Variants in ABCA3 observed in about 807,000 individuals in gnomAD.
ABCA3 encodes the protein phospholipid-transporting ATPase ABCA3.
A neutral mutation model predicts 172.8 loss-of-function variants in ABCA3; 88 were observed. That is an observed-to-expected ratio of 0.51 (90% confidence interval 0.43 to 0.61). The LOEUF is 0.61. ABCA3 is among the 20% of genes least tolerant of loss of function. The probability of loss-of-function intolerance (pLI) is 0.00; values close to 1 mark genes in which losing one functional copy is unlikely to be tolerated. For missense variants in ABCA3, 2,164 were observed against 2,301.0 expected (o/e 0.94, Z 1.22); for synonymous variants, 1,066 against 983.8 (o/e 1.08, Z -1.56).
intron 10 of ABCA3, among the ~76,000 whole-genome samples, chr16:2,311,338 G>T (rs1047280244): frequency 1.3e-5 from 2 of 152,116 alleles, no homozygotes; most frequent in Non-Finnish European, 2.9e-5. Flanking sequence ...CAGATATATA[G>T]TTGGAAAAGT....
chr16:2,311,238 C>G (rs551524072), intron 10 of ABCA3, among the ~76,000 whole-genome samples: 1 of 152,110 alleles, frequency 6.6e-6, no homozygotes, highest in Non-Finnish European at 1.5e-5. Context: ...TCCCAAAGTG[C>G]TGGAATTACA....
intron 3 of ABCA3, among the ~76,000 whole-genome samples, chr16:2,327,224 C>CA (rs760218220): frequency 1.4e-4 from 21 of 152,142 alleles, no homozygotes; most frequent in Non-Finnish European, 2.9e-4. Flanking sequence ...GTGATCCTCC[C>CA]ACCTCAGCCT....
At chr16:2,306,812 G>C (rs1047846670) in intron 11 of ABCA3, among the ~76,000 whole-genome samples, 2 of 151,888 alleles carry the variant, frequency 1.3e-5, no homozygotes, top group African/African-American at 4.8e-5. Flanking sequence ...TCAGAAGATC[G>C]AGACCATCCT....
intron 20 of ABCA3, chr16:2,289,178 G>A (rs1040415312): frequency 3.6e-6 from 2 of 559,628 alleles, no homozygotes; most frequent in Admixed American, 3.1e-5. Context: ...TCAACACAGA[G>A]CTGGGCACCC....
rs1307862863 is a variant in ABCA3, at chr16:2,329,817, G to C, written c.-501C>G. 2 of 152,264 alleles carry C rather than the reference G, an allele frequency of 1.3e-5. No individual in the cohort carries two copies. The highest frequency in any genetic ancestry group is 2.9e-5 in the Non-Finnish European group (2 of 68,090). The allele number at this position is 152,264 out of a possible 1,614,324, so 9.4% of individuals were successfully genotyped here. A position where few individuals can be genotyped will look rare whatever the true frequency, so the allele number is the denominator to read the frequency against. The stretch of plus-strand genomic sequence containing the variant: ...AACACCGTGACCTCGCAGGACATCA[G>C]GAGGTGCCCAGGGCTCACAGGCATG... On this transcript the variant is annotated 5_prime_UTR_variant, in exon 2 of 33. Coordinates refer to ENST00000301732, the MANE Select transcript of ABCA3 (RefSeq NM_001089.3).
In ABCA3 at chr16:2,276,695, G is replaced by A; in HGVS notation, c.5094C>T (p.Pro1698=). The change falls in exon 33 of 33, where the codon CCC becomes CCT. Residue 1698 remains proline, a synonymous_variant. Transcript: ENST00000301732. ...CCCCTCATCGCCCCTCCTCTGCGGT[G>A]GGCGGCTGCAGGTGGGCGAAGCTCA... ...VFLSFAHLQP[P]TAEEGR 6.2e-7 allele frequency: 1 copy of A among 1,613,592 alleles called. No homozygotes were observed. Among genetic ancestry groups the A allele is most frequent in the Non-Finnish European group, 8.5e-7 (1 of 1,180,036 alleles).
At chr16:2,332,267 C>A in intron 1 of ABCA3, 1 of 484,574 alleles carries the variant, frequency 2.1e-6, no homozygotes, top group Non-Finnish European at 3.8e-6. Context: ...TAAAATCCTT[C>A]AAAATCTGTT....
At position 2,298,529 on chromosome 16, in the gene ABCA3, G is replaced by T. The variant is rs143113995; in HGVS notation, c.1753C>A (p.Pro585Thr). 1 of 1,613,566 alleles carries T rather than the reference G, an allele frequency of 6.2e-7. No homozygotes were observed. The change falls in exon 15 of 33, where the codon CCC (proline) becomes ACC (threonine). Residue 585 changes from proline to threonine, a missense_variant. Physicochemically the swap from Pro to Thr is conservative, Grantham distance 38. Transcript: ENST00000301732. The stretch of plus-strand genomic sequence containing the variant: ...CTGATGTATGCCCGTCCACTGGTGG[G>T]GGGAAAGAGACCTGGGGCCCAGCAG... Reference protein sequence around the residue: ...TLSMLTGLFPPTSGRAYISGY... With the variant: ...TLSMLTGLFPTTSGRAYISGY...
intron 18 of ABCA3, among the ~76,000 whole-genome samples, chr16:2,293,773 C>T (rs573384259): frequency 3.5e-4 from 53 of 151,648 alleles, no homozygotes; most frequent in Non-Finnish European, 6.5e-4. Flanking sequence ...GATCTCCTGA[C>T]CTCGTGATCC....
At chr16:2,325,931 A>T in intron 5 of ABCA3, 79 bp downstream of exon 5, 3 of 1,597,746 alleles carry the variant, frequency 1.9e-6, no homozygotes. Context: ...TGCTTCGCAC[A>T]TCCTGGGCTC....
chr16:2,319,439 C>A, intron 8 of ABCA3, 142 bp downstream of exon 8: 2 of 1,172,226 alleles, frequency 1.7e-6, no homozygotes, highest in Non-Finnish European at 2.3e-6. Context: ...GAGCCGAGAT[C>A]GCACCACTGC....
intron 1 of ABCA3, among the ~76,000 whole-genome samples, chr16:2,334,808 G>A (rs1166493616): frequency 2.6e-5 from 4 of 150,980 alleles, no homozygotes; most frequent in African/African-American, 7.3e-5. Context: ...GTGAGCCACC[G>A]TGCCAGACTT....
chr16:2,307,069 T>C (rs1351315795), intron 11 of ABCA3, among the ~76,000 whole-genome samples: 1 of 147,866 alleles, frequency 6.8e-6, no homozygotes, highest in East Asian at 2.0e-4. Flanking sequence ...TGAGTCGTGA[T>C]GATGCCATTG....
In ABCA3 at chr16:2,307,840, C is replaced by A. The variant is rs538869843; in HGVS notation, c.1285+610G>T. On this transcript the variant is annotated intron_variant, in intron 11 of 32. Coordinates refer to ENST00000301732, the MANE Select transcript of ABCA3 (RefSeq NM_001089.3). ...CAGGATGGTCTCGATCTCCTGACCT[C>A]GTGATCCACCGGCCTCAGCCTCCCA... is the stretch of plus-strand genomic sequence containing the variant. 5.3e-5 allele frequency among the ~76,000 whole-genome samples: 8 copies of A among 152,202 alleles called. No individual in the cohort carries two copies. The South Asian group carries it at 6.2e-4, about 12-fold the overall frequency.
rs2093665174 is a variant in ABCA3 at position 2,287,681 on chromosome 16, T to TAAG, written c.3004+344_3004+345insCTT. Among the ~76,000 whole-genome samples, 2 of 152,240 alleles carry TAAG rather than the reference T, an allele frequency of 1.3e-5. No homozygotes were observed. The highest frequency in any genetic ancestry group is 2.4e-5 in the African/African-American group (1 of 41,452). On this transcript the variant is annotated intron_variant, in intron 21 of 32. Transcript: ENST00000301732. This position sits in a 1 kb window ranked among gnomAD's most constrained non-coding sequence, Gnocchi z 4.1. ...CAAAGGTAACTTGAAGTCACTATGC[T>TAAG]TCTGCATTTTGCCCATGAATGATCC...
At chr16:2,295,567 C>T (rs767448526) in intron 18 of ABCA3, 23 bp downstream of exon 18, 152 of 1,609,228 alleles carry the variant, frequency 9.4e-5, no homozygotes, top group Non-Finnish European at 1.2e-4. Flanking sequence ...TATACCTGTG[C>T]GTGCCCTCCC....
rs2093685189 is a variant in ABCA3, at chr16:2,299,330, G to A, written c.1741+73C>T. 20 of 1,596,518 alleles carry A rather than the reference G, an allele frequency of 1.3e-5. No homozygotes were observed. In the Admixed American group the frequency reaches 1.8e-4, roughly 15 times the overall value. On this transcript the variant is annotated intron_variant, in intron 14 of 32. Coordinates refer to ENST00000301732, the MANE Select transcript of ABCA3 (RefSeq NM_001089.3). Reference sequence around the variant, plus strand: ...CCCGAAAGCCCCATTGAGGGAGTGAGGCGGGGCTGGCGCTGAGATGGTGTT... The same window carrying A: ...CCCGAAAGCCCCATTGAGGGAGTGAAGCGGGGCTGGCGCTGAGATGGTGTT...
rs1257432401 is a variant in ABCA3 at position 2,277,504 on chromosome 16, G to T, written c.4983+93C>A. 8.9e-6 allele frequency: 12 copies of T among 1,343,822 alleles called. No individual in the cohort carries two copies. The highest frequency in any genetic ancestry group is 1.9e-5 in the Admixed American group (1 of 53,480). 83.2% of individuals were successfully genotyped at this position (1,343,822 alleles called of 1,614,324 possible). A position where few individuals can be genotyped will look rare whatever the true frequency, so the allele number is the denominator to read the frequency against. ...AGAAATGGAAAGTGACTCCTCTGTG[G>T]AAAGAGCCTGCAGTCACCACAGAGG... On this transcript the variant is annotated intron_variant, in intron 32 of 32. Coordinates refer to ENST00000301732, the MANE Select transcript of ABCA3 (RefSeq NM_001089.3). The surrounding 1 kb of genome is among the most constrained non-coding windows in gnomAD (Gnocchi z 5.3).
chr16:2,317,213 C>T, intron 10 of ABCA3, 70 bp downstream of exon 10: 2 of 1,604,930 alleles, frequency 1.2e-6, no homozygotes, highest in Non-Finnish European at 8.5e-7. Context: ...ATCACAGCCT[C>T]TGGGTTATTT....
Sources: gnomAD v4.1 joint callset for allele counts (sites outside exome capture counted in the v4.1 genomes callset) on GRCh38, gnomAD v4.1.1 for gene constraint, Gnocchi (gnomAD v3.1) non-coding constraint, MANE v1.5 for transcripts, NCBI Gene and HGNC (gene_info 2026-07-23, HGNC 2026-07-21) for gene names.